Variants in MED27 observed in about 807,000 individuals in gnomAD.
The protein encoded by MED27 is mediator of RNA polymerase II transcription subunit 27.
MED27 carries 30 observed loss-of-function variants against 38.2 expected under a neutral mutation model. The observed-to-expected ratio is 0.79, with a 90% CI of 0.59 to 1.07. MED27 has a LOEUF of 1.07. Ranked by LOEUF, MED27 falls within the 50% of genes least tolerant of loss-of-function variation. The pLI is 0.00. For synonymous variants in MED27, 122 were observed against 153.5 expected, an observed-to-expected ratio of 0.79 and a Z score of 1.52; for missense variants, 289 against 397.5, an observed-to-expected ratio of 0.73 and a Z score of 2.32.
At position 131,872,677 on chromosome 9, in the gene MED27, T is replaced by C. The variant is rs1294848323; in HGVS notation, c.724-9537A>G. 6.6e-6 allele frequency among the ~76,000 whole-genome samples: 1 copy of C among 151,168 alleles called. No individual in the cohort carries two copies. Among genetic ancestry groups the C allele is most frequent in the Non-Finnish European group, 1.5e-5 (1 of 68,000 alleles). On this transcript the variant is annotated intron_variant, in intron 6 of 7. Transcript: ENST00000292035. This position sits in a 1 kb window ranked among gnomAD's most constrained non-coding sequence, Gnocchi z 5.6. The stretch of plus-strand genomic sequence containing the variant: ...GTGGGGAGGCTGGGGTGGGGCTGGG[T>C]GATTCTGCAGGCCCCTCTAGGTCTA...
intron 4 of MED27, among the ~76,000 whole-genome samples, chr9:131,907,830 C>T (rs1426109201): frequency 4.6e-5 from 7 of 150,588 alleles, no homozygotes; most frequent in East Asian, 2.0e-4. Flanking sequence ...TCTGCCCGGC[C>T]GCCCATCGTC....
chr9:132,043,249 G>C (rs1465868024), intron 2 of MED27, among the ~76,000 whole-genome samples: 1 of 150,662 alleles, frequency 6.6e-6, no homozygotes, highest in Admixed American at 6.6e-5. Context: ...TAGCATCACA[G>C]TTATTTTCAC....
intron 2 of MED27, among the ~76,000 whole-genome samples, chr9:132,060,488 C>CT (rs957345561): frequency 5.9e-5 from 9 of 152,216 alleles, no homozygotes; most frequent in African/African-American, 2.2e-4. Flanking sequence ...ACTACTCCCC[C>CT]TCCCACCCGA....
intron 3 of MED27, among the ~76,000 whole-genome samples, chr9:132,006,207 C>T (rs1311177789): frequency 6.6e-6 from 1 of 152,196 alleles, no homozygotes; most frequent in Non-Finnish European, 1.5e-5. Context: ...GGCGACATCT[C>T]TGCCCACCAG....
intron 4 of MED27, among the ~76,000 whole-genome samples, chr9:131,904,518 CT>C (rs1243464922): frequency 8.9e-5 from 13 of 146,326 alleles, no homozygotes; most frequent in East Asian, 6.1e-4. Flanking sequence ...TTTTTCTTTT[CT>C]TTTTTTTTTA....
Position 131,863,146 on chromosome 9 carries a change from A to G in MED27, c.724-6T>C. On this transcript the variant is annotated splice_region_variant and splice_polypyrimidine_tract_variant and intron_variant, in intron 6 of 7. Transcript: ENST00000292035. ...GTGGTGGCATGGTCTGTCACCTGAG[A>G]GTGAAGGACAAAGACGAGTTAGCGG... The G allele has an allele frequency of 6.2e-7, 1 of 1,613,914 alleles. No individual in the cohort carries two copies. The highest frequency in any genetic ancestry group is 8.5e-7 in the Non-Finnish European group (1 of 1,179,814).
intron 3 of MED27, among the ~76,000 whole-genome samples, chr9:131,996,925 C>T (rs1832103965): frequency 6.6e-6 from 1 of 152,124 alleles, no homozygotes; most frequent in Admixed American, 6.5e-5. Context: ...GTAATGCATA[C>T]AACCTACAAA....
chr9:131,976,834 C>A (rs1831617174), intron 3 of MED27, among the ~76,000 whole-genome samples: 1 of 152,220 alleles, frequency 6.6e-6, no homozygotes, highest in African/African-American at 2.4e-5. Context: ...ATCTACAACA[C>A]TATTATCTAA....
chr9:132,057,490 G>A (rs979710691), intron 2 of MED27, among the ~76,000 whole-genome samples: 4 of 152,234 alleles, frequency 2.6e-5, no homozygotes, highest in African/African-American at 7.2e-5. Flanking sequence ...GCTGGGCTGC[G>A]CAGGCCACAG....
rs1008909019 is a variant in MED27 at position 132,073,727 on chromosome 9, T to C, written c.348+3715A>G. The C allele has an allele frequency of 4.6e-6, 7 of 1,510,606 alleles. No homozygotes were observed. In the South Asian group the frequency reaches 7.5e-5, roughly 16 times the overall value. 93.6% of individuals were successfully genotyped at this position (1,510,606 alleles called of 1,614,324 possible). A position where few individuals can be genotyped will look rare whatever the true frequency, so the allele number is the denominator to read the frequency against. On this transcript the variant is annotated intron_variant, in intron 2 of 7. Transcript: ENST00000292035. ...ACTTTCCAATGGAATATTCTTGGAATAGAAAGTTGCTCTTTCTGTAATAAA... is the reference window on the plus strand; with the variant it reads ...ACTTTCCAATGGAATATTCTTGGAACAGAAAGTTGCTCTTTCTGTAATAAA...
chr9:132,019,254 G>A lies in MED27; in HGVS notation c.349-4787C>T, dbSNP rs534848586. 7.2e-5 allele frequency among the ~76,000 whole-genome samples: 11 copies of A among 152,308 alleles called. No individual in the cohort carries two copies. In the South Asian group the frequency reaches 2.3e-3, roughly 32 times the overall value. On this transcript the variant is annotated intron_variant, in intron 2 of 7. Coordinates refer to ENST00000292035, the MANE Select transcript of MED27 (RefSeq NM_004269.4). Reference sequence around the variant, plus strand: ...TGTACAATGTCCAGGATAGTGCATTGAATACAGGTGATGCTAATGAATTTG... The same window carrying A: ...TGTACAATGTCCAGGATAGTGCATTAAATACAGGTGATGCTAATGAATTTG...
chr9:131,912,661 C>T (rs11243562), intron 4 of MED27, among the ~76,000 whole-genome samples: 41,852 of 152,058 alleles, frequency 0.28, 5,964 homozygotes, highest in East Asian at 0.39. Flanking sequence ...AACTCTAAGA[C>T]GTTTAATCGC....
chr9:132,048,184 T>C (rs1156640319), intron 2 of MED27, among the ~76,000 whole-genome samples: 1 of 152,180 alleles, frequency 6.6e-6, no homozygotes, highest in Non-Finnish European at 1.5e-5. Flanking sequence ...AATAATAATT[T>C]TTCTTCTATC....
chr9:132,069,451 G>A (rs930822542), intron 2 of MED27, among the ~76,000 whole-genome samples: 6 of 152,178 alleles, frequency 3.9e-5, no homozygotes, highest in Non-Finnish European at 7.3e-5. Flanking sequence ...AGAATGATAG[G>A]GGCATGGCTT....
At chr9:131,912,103 G>C (rs1195233945) in intron 4 of MED27, among the ~76,000 whole-genome samples, 1 of 152,164 alleles carries the variant, frequency 6.6e-6, no homozygotes, top group African/African-American at 2.4e-5. Flanking sequence ...ATAACCAAGA[G>C]ACCAATTAGA....
intron 2 of MED27, among the ~76,000 whole-genome samples, chr9:132,043,650 T>C: frequency 6.6e-6 from 1 of 152,144 alleles, no homozygotes; most frequent in Non-Finnish European, 1.5e-5. Flanking sequence ...AAAAATAATT[T>C]TCAATTAAAA....
At chr9:131,909,842 G>A (rs1276325114) in intron 4 of MED27, among the ~76,000 whole-genome samples, 1 of 152,142 alleles carries the variant, frequency 6.6e-6, no homozygotes, top group Non-Finnish European at 1.5e-5. Flanking sequence ...TTAGAATACT[G>A]AAAACTTTTT....
intron 2 of MED27, among the ~76,000 whole-genome samples, chr9:132,046,792 C>A (rs932331027): frequency 1.3e-5 from 2 of 152,230 alleles, no homozygotes; most frequent in African/African-American, 4.8e-5. Context: ...TACGCACATA[C>A]ACACACATGC....
intron 3 of MED27, among the ~76,000 whole-genome samples, chr9:131,956,348 G>A (rs903386163): frequency 1.3e-5 from 2 of 152,186 alleles, no homozygotes; most frequent in Admixed American, 6.5e-5. Flanking sequence ...GGCGGTGATG[G>A]CTGCACAAAA....
Sources: allele counts gnomAD v4.1 joint callset (sites outside exome capture counted in the v4.1 genomes callset), GRCh38; gene constraint gnomAD v4.1.1; non-coding constraint Gnocchi (gnomAD v3.1); transcripts MANE v1.5; gene names NCBI Gene and HGNC (gene_info 2026-07-23, HGNC 2026-07-21).